The following ASIC2 variants were observed in gnomAD, a reference collection of about 807,000 sequenced individuals.
The protein encoded by ASIC2 is acid-sensing ion channel 2.
Under a neutral mutation model 57.3 loss-of-function variants are expected in ASIC2, and 25 were observed. That is an observed-to-expected ratio of 0.44 (90% CI 0.32 to 0.61). The LOEUF (loss-of-function observed/expected upper bound fraction) is 0.61, where lower values mean the gene tolerates loss of function less well. Ranked by LOEUF, ASIC2 falls within the 20% of genes least tolerant of loss-of-function variation. ASIC2 has a pLI of 0.06. For missense variants in ASIC2, 641 were observed against 738.1 expected, an observed-to-expected ratio of 0.87 and a Z score of 1.52; for synonymous variants, 319 against 307.5, an observed-to-expected ratio of 1.04 and a Z score of -0.39.
chr17:33,085,043 T>A (rs1431615147), intron 3 of ASIC2, among the ~76,000 whole-genome samples: 1 of 152,196 alleles, frequency 6.6e-6, no homozygotes, highest in Non-Finnish European at 1.5e-5. Flanking sequence ...ACTTTCCCAT[T>A]TATACAAAGA....
At chr17:33,855,713 C>G (rs1187810312) in intron 1 of ASIC2, among the ~76,000 whole-genome samples, 1 of 152,048 alleles carries the variant, frequency 6.6e-6, no homozygotes, top group Non-Finnish European at 1.5e-5. Flanking sequence ...CTATGTGTTT[C>G]CTGATGCATT....
chr17:33,295,584 A>G (rs1198267399), upstream of ASIC2, among the ~76,000 whole-genome samples: 1 of 152,150 alleles, frequency 6.6e-6, no homozygotes, highest in Non-Finnish European at 1.5e-5. Flanking sequence ...TACCTCTAGG[A>G]TAGCCCTTAT....
At chr17:33,046,796 T>C (rs543535422) in intron 3 of ASIC2, among the ~76,000 whole-genome samples, 2 of 152,320 alleles carry the variant, frequency 1.3e-5, no homozygotes, top group South Asian at 4.1e-4. Flanking sequence ...AATTCTCCCT[T>C]GAGTGGCAGC....
chr17:33,624,184 AG>A (rs1905901595), intron 1 of ASIC2: 1 of 152,218 alleles, frequency 6.6e-6, no homozygotes, highest in East Asian at 1.9e-4. Context: ...CCTGCTCTGG[AG>A]AAATGTCAGT....
intron 1 of ASIC2, among the ~76,000 whole-genome samples, chr17:33,311,023 T>G (rs750303193): frequency 1.3e-5 from 2 of 152,146 alleles, no homozygotes; most frequent in Admixed American, 6.5e-5. Context: ...CCAGAGCCCC[T>G]CTGGGTTCAA....
chr17:33,972,685 A>C (rs1263720421), intron 1 of ASIC2, among the ~76,000 whole-genome samples: 1 of 152,246 alleles, frequency 6.6e-6, no homozygotes, highest in African/African-American at 2.4e-5. Context: ...CGCCTTACTA[A>C]GGATTAGTTT....
intron 7 of ASIC2, among the ~76,000 whole-genome samples, chr17:33,019,795 GTC>G (rs10578415): frequency 0.6 from 88,586 of 148,334 alleles, 27,251 homozygotes; most frequent in African/African-American, 0.79. Flanking sequence ...TGCTCTGTAT[GTC>G]TCTCTCTCTC....
At chr17:33,079,225 G>A (rs151334762) in intron 3 of ASIC2, among the ~76,000 whole-genome samples, 5 of 152,288 alleles carry the variant, frequency 3.3e-5, no homozygotes, top group Non-Finnish European at 7.4e-5. Flanking sequence ...TCCCAGTTTG[G>A]CAGGGGAGAT....
At chr17:33,724,520 G>A (rs988616917) in intron 1 of ASIC2, among the ~76,000 whole-genome samples, 1 of 152,186 alleles carries the variant, frequency 6.6e-6, no homozygotes, top group South Asian at 2.1e-4. Flanking sequence ...ACTGAGTCCA[G>A]ATGTGAAGGA....
intron 1 of ASIC2, among the ~76,000 whole-genome samples, chr17:33,736,914 TGTG>T (rs1242950337): frequency 2.6e-5 from 4 of 152,082 alleles, no homozygotes; most frequent in Non-Finnish European, 5.9e-5. Context: ...ATCTAAATAA[TGTG>T]GTCTCTTTTT....
At chr17:33,180,896 C>T (rs934050076) in intron 1 of ASIC2, among the ~76,000 whole-genome samples, 1 of 152,160 alleles carries the variant, frequency 6.6e-6, no homozygotes, top group African/African-American at 2.4e-5. Context: ...TGGTTCAATG[C>T]TCTGCTCCTT....
At chr17:33,769,645 C>CT (rs1368300249) in intron 1 of ASIC2, among the ~76,000 whole-genome samples, 2 of 152,234 alleles carry the variant, frequency 1.3e-5, no homozygotes, top group African/African-American at 2.4e-5. Flanking sequence ...TCACCTTAGC[C>CT]TATCCACAGG....
chr17:33,457,034 A>G (rs569465579), intron 1 of ASIC2, among the ~76,000 whole-genome samples: 2 of 152,318 alleles, frequency 1.3e-5, no homozygotes, highest in South Asian at 4.1e-4. Flanking sequence ...GCACAAGCTA[A>G]TTAATTTCTT....
intron 3 of ASIC2, among the ~76,000 whole-genome samples, chr17:33,057,276 CATTCTATACTTCAA>C (rs1325170392): frequency 6.6e-6 from 1 of 152,172 alleles, no homozygotes; most frequent in African/African-American, 2.4e-5. Context: ...TGGAGTACTT[CATTCTATACTTCAA>C]ATTCTATACT....
chr17:33,956,856 G>A (rs1904750396), intron 1 of ASIC2, among the ~76,000 whole-genome samples: 1 of 152,172 alleles, frequency 6.6e-6, no homozygotes, highest in East Asian at 1.9e-4. Flanking sequence ...TGGTTCTGAT[G>A]GCATATGCCT....
At chr17:34,084,945 C>T (rs1187632842) in intron 1 of ASIC2, among the ~76,000 whole-genome samples, 6 of 152,146 alleles carry the variant, frequency 3.9e-5, no homozygotes, top group Admixed American at 6.6e-5. Flanking sequence ...GGGGCTGAGA[C>T]GATGGGGTTT....
At chr17:34,142,747 C>G (rs1342995308) in intron 1 of ASIC2, among the ~76,000 whole-genome samples, 1 of 152,214 alleles carries the variant, frequency 6.6e-6, no homozygotes, top group African/African-American at 2.4e-5. Flanking sequence ...CACCTGCTTC[C>G]TGAAACATAT....
At chr17:34,007,295 ACTC>A (rs778104225) in intron 1 of ASIC2, among the ~76,000 whole-genome samples, 3 of 152,092 alleles carry the variant, frequency 2.0e-5, no homozygotes, top group South Asian at 2.1e-4. Context: ...GAGCCTTTGA[ACTC>A]ATCTTCTGCC....
At chr17:33,082,151 C>G (rs1461912653) in intron 3 of ASIC2, among the ~76,000 whole-genome samples, 2 of 152,028 alleles carry the variant, frequency 1.3e-5, no homozygotes, top group Non-Finnish European at 2.9e-5. Context: ...AACCCTGGCT[C>G]CCCAAGGTGT....
Sources: gnomAD v4.1 joint callset for allele counts (sites outside exome capture counted in the v4.1 genomes callset) on GRCh38, gnomAD v4.1.1 for gene constraint, MANE v1.5 for transcripts, NCBI Gene and HGNC (gene_info 2026-07-23, HGNC 2026-07-21) for gene names.